Variants in RBFOX1 observed in about 807,000 individuals in gnomAD.
RBFOX1 encodes RNA binding fox-1 homolog 1.
RBFOX1 carries 8 observed loss-of-function variants against 57.7 expected under a neutral mutation model. The ratio of observed to expected loss-of-function variants is 0.14; its 90% CI spans 0.08 to 0.25. The LOEUF is 0.25. RBFOX1 is among the 10% of genes least tolerant of loss of function. The probability of loss-of-function intolerance (pLI) is 1.00; values close to 1 mark genes in which losing one functional copy is unlikely to be tolerated. For missense variants in RBFOX1, 611 were observed against 548.5 expected (o/e 1.11, Z -1.14); for synonymous variants, 326 against 222.4 (o/e 1.47, Z -4.15).
chr16:7,545,937 G>A (rs1174476477), intron 5 of RBFOX1, among the ~76,000 whole-genome samples: 3 of 151,252 alleles, frequency 2.0e-5, no homozygotes, highest in Non-Finnish European at 4.4e-5. Context: ...AAAATCAGAT[G>A]TGAGCATGCC....
At chr16:6,327,949 C>G (rs2082568486) in intron 2 of RBFOX1, among the ~76,000 whole-genome samples, 1 of 152,138 alleles carries the variant, frequency 6.6e-6, no homozygotes, top group Non-Finnish European at 1.5e-5. Context: ...GGGGCGTACA[C>G]TCAGAAGACA....
In RBFOX1 at chr16:7,364,503, C is replaced by G. The variant is rs543239764; in HGVS notation, c.28-153644C>G. 6.7e-5 allele frequency among the ~76,000 whole-genome samples: 10 copies of G among 148,532 alleles called. No individual in the cohort carries two copies. In the South Asian group the frequency reaches 2.1e-3, roughly 31 times the overall value. ...CTGAGTTTCAAGTACTAGAAATCTA[C>G]TTGGACTATCTTTGGCAAGGGAGAG... On this transcript the variant is annotated intron_variant, in intron 4 of 15. Coordinates refer to ENST00000550418, the MANE Select transcript of RBFOX1 (RefSeq NM_018723.4).
chr16:7,353,026 T>C (rs1318929977), intron 4 of RBFOX1, among the ~76,000 whole-genome samples: 2 of 152,116 alleles, frequency 1.3e-5, no homozygotes, highest in African/African-American at 4.8e-5. Flanking sequence ...CATACCACTT[T>C]TCCATATGGC....
intron 3 of RBFOX1, among the ~76,000 whole-genome samples, chr16:7,013,454 A>T (rs2093749714): frequency 6.6e-6 from 1 of 152,116 alleles, no homozygotes; most frequent in African/African-American, 2.4e-5. Flanking sequence ...AGAGGATGCT[A>T]CTCGCATCTA....
intron 2 of RBFOX1, among the ~76,000 whole-genome samples, chr16:6,323,872 A>C (rs1306698625): frequency 6.6e-6 from 1 of 152,102 alleles, no homozygotes; most frequent in Middle Eastern, 3.4e-3. Flanking sequence ...TCCAAGATTC[A>C]AGCTATTCTT....
chr16:7,052,041 TTTC>T lies in RBFOX1; in HGVS notation c.-15-13_-15-11del. On this transcript the variant is annotated splice_polypyrimidine_tract_variant and intron_variant, in intron 3 of 15. Transcript: ENST00000550418. ...GAGCCTTCTGACTTTTCCCCTTCAT[TTTC>T]TTTTCTTTCTAGGTTTCAAGACAAC... The T allele has an allele frequency of 6.2e-7, 1 of 1,612,066 alleles. No individual in the cohort carries two copies. The highest frequency in any genetic ancestry group is 8.5e-7 in the Non-Finnish European group (1 of 1,179,172).
At chr16:6,866,107 C>G (rs530255706) in intron 3 of RBFOX1, among the ~76,000 whole-genome samples, 6 of 152,034 alleles carry the variant, frequency 3.9e-5, no homozygotes, top group South Asian at 2.1e-4. Context: ...AAATAATTCC[C>G]CTCTCCTTTT....
intron 1 of RBFOX1, among the ~76,000 whole-genome samples, chr16:5,296,199 G>C (rs887023702): frequency 6.6e-6 from 1 of 152,196 alleles, no homozygotes; most frequent in Admixed American, 6.5e-5. Flanking sequence ...CACTAAGCTA[G>C]CTGGGCATTC....
intron 2 of RBFOX1, among the ~76,000 whole-genome samples, chr16:5,566,739 C>T (rs373723298): frequency 2.6e-5 from 4 of 151,700 alleles, no homozygotes; most frequent in Non-Finnish European, 5.9e-5. Flanking sequence ...ACCTAGAGAG[C>T]TTTCGAATGC....
At chr16:7,021,926 TTTA>T (rs1191044577) in intron 3 of RBFOX1, among the ~76,000 whole-genome samples, 3 of 149,436 alleles carry the variant, frequency 2.0e-5, no homozygotes, top group Non-Finnish European at 4.5e-5. Context: ...TCTTTCTTTC[TTTA>T]TTTTCTTTTC....
intron 4 of RBFOX1, among the ~76,000 whole-genome samples, chr16:7,390,259 G>T (rs55845531): frequency 0.081 from 12,298 of 152,176 alleles, 535 homozygotes; most frequent in East Asian, 0.19. Flanking sequence ...GAGATTTGGG[G>T]AGGGACACAC....
chr16:6,289,325 A>G (rs1458122843), intron 1 of RBFOX1, among the ~76,000 whole-genome samples: 1 of 152,116 alleles, frequency 6.6e-6, no homozygotes, highest in Admixed American at 6.6e-5. Context: ...TCTTTGCACC[A>G]TCAATCTACC....
chr16:7,707,383 A>T (rs949375435), intron 14 of RBFOX1, among the ~76,000 whole-genome samples: 1 of 152,196 alleles, frequency 6.6e-6, no homozygotes, highest in African/African-American at 2.4e-5. Flanking sequence ...GAAAGCTTGG[A>T]AGGAAAATGG....
chr16:5,244,286 A>T (rs2062240408), intron 1 of RBFOX1, among the ~76,000 whole-genome samples: 1 of 152,196 alleles, frequency 6.6e-6, no homozygotes, highest in African/African-American at 2.4e-5. Flanking sequence ...CCATCCCCTC[A>T]TGCACTGGTG....
At chr16:7,567,748 T>TA (rs1567870275) in intron 5 of RBFOX1, among the ~76,000 whole-genome samples, 1 of 146,976 alleles carries the variant, frequency 6.8e-6, no homozygotes, top group Non-Finnish European at 1.5e-5. Context: ...CCTATATATA[T>TA]CCATATAACC....
intron 2 of RBFOX1, among the ~76,000 whole-genome samples, chr16:6,407,350 T>C (rs17140172): frequency 0.051 from 7,738 of 152,228 alleles, 678 homozygotes; most frequent in African/African-American, 0.18. Flanking sequence ...TCTATATGTC[T>C]ATGTATATAT....
intron 1 of RBFOX1, among the ~76,000 whole-genome samples, chr16:5,249,417 C>G (rs536593993): frequency 6.6e-6 from 1 of 152,218 alleles, no homozygotes; most frequent in Non-Finnish European, 1.5e-5. Context: ...GCTTGAAAGC[C>G]TGTCGGCTTA....
intron 3 of RBFOX1, among the ~76,000 whole-genome samples, chr16:6,971,236 A>G (rs867138091): frequency 2.6e-5 from 4 of 152,160 alleles, no homozygotes; most frequent in African/African-American, 9.7e-5. Flanking sequence ...AGGCAGCTGA[A>G]TTGTTATGGG....
chr16:6,317,244 C>T (rs1344179515), intron 2 of RBFOX1, among the ~76,000 whole-genome samples, 187 bp downstream of exon 2: 1 of 152,162 alleles, frequency 6.6e-6, no homozygotes, highest in Non-Finnish European at 1.5e-5. Flanking sequence ...AACCACCCTC[C>T]TTTAGCCCTC....
Sources: gnomAD v4.1 joint callset for allele counts (sites outside exome capture counted in the v4.1 genomes callset) on GRCh38, gnomAD v4.1.1 for gene constraint, MANE v1.5 for transcripts, NCBI Gene and HGNC (gene_info 2026-07-23, HGNC 2026-07-21) for gene names.